The following COLGALT1 variants were observed in gnomAD, a reference collection of about 807,000 sequenced individuals.
The protein encoded by COLGALT1 is collagen beta(1-O)galactosyltransferase 1.
In COLGALT1, 43 loss-of-function variants were observed where a neutral mutation model predicts 60.8. The ratio of observed to expected loss-of-function variants is 0.71; its 90% CI spans 0.55 to 0.91. COLGALT1 has a LOEUF of 0.91. Ranked by LOEUF, COLGALT1 falls within the 40% of genes least tolerant of loss-of-function variation. The pLI is 0.00. For missense variants in COLGALT1, 845 were observed against 880.0 expected (o/e 0.96, Z 0.50); for synonymous variants, 369 against 374.2 (o/e 0.99, Z 0.16).
chr19:17,561,648 A>C (rs1322432333), intron 3 of COLGALT1, among the ~76,000 whole-genome samples: 2 of 151,534 alleles, frequency 1.3e-5, no homozygotes, highest in African/African-American at 2.4e-5. Context: ...AAAAAAAAAA[A>C]AAAAAAAACA....
chr19:17,563,646 G>T (rs1204355176), intron 3 of COLGALT1, among the ~76,000 whole-genome samples: 1 of 151,966 alleles, frequency 6.6e-6, no homozygotes, highest in African/African-American at 2.4e-5. Flanking sequence ...AGCGCGCCTG[G>T]CCCGACTAAT....
chr19:17,572,739 G>A lies in COLGALT1; in HGVS notation c.949+137G>A, dbSNP rs182069506. 41 of 1,263,238 alleles carry A rather than the reference G, an allele frequency of 3.2e-5. No individual in the cohort carries two copies. The Admixed American group carries it at 3.6e-4, about 11-fold the overall frequency. 78.3% of individuals were successfully genotyped at this position (1,263,238 alleles called of 1,614,324 possible). ...TGGGGGGTGCTGGGTGCAACGGCAC[G>A]TGTGAACGAGGTGGAGGGTTGTGTC... On this transcript the variant is annotated intron_variant, in intron 6 of 11. Transcript: ENST00000252599.
intron 5 of COLGALT1, among the ~76,000 whole-genome samples, chr19:17,570,723 G>T (rs1196637384): frequency 6.6e-6 from 1 of 151,798 alleles, no homozygotes; most frequent in South Asian, 2.1e-4. Flanking sequence ...GCACCACCAC[G>T]CCTGGCTAAT....
At chr19:17,580,975 G>A (rs2144852145) in intron 11 of COLGALT1, 70 bp downstream of exon 11, 3 of 1,561,072 alleles carry the variant, frequency 1.9e-6, no homozygotes, top group Middle Eastern at 3.5e-4. Flanking sequence ...GGGGATGTGA[G>A]ACTCACGGCC....
intron 9 of COLGALT1, 122 bp downstream of exon 9, chr19:17,578,211 G>T: frequency 8.8e-7 from 1 of 1,130,028 alleles, no homozygotes; most frequent in South Asian, 2.1e-5. Context: ...TCAGCCATGG[G>T]ACCCATGGCC....
rs745638027 is a variant in COLGALT1 at position 17,581,440 on chromosome 19, T to C, written c.1865T>C (p.Leu622Pro). 8 of 1,605,210 alleles carry C rather than the reference T, an allele frequency of 5.0e-6. No individual in the cohort carries two copies. In the Admixed American group the frequency reaches 1.0e-4, roughly 20 times the overall value. Residue 622 changes from leucine to proline, a missense_variant, in exon 12 of 12, where the codon CTC becomes CCC. By Grantham distance (98) the Leu-to-Pro change is moderately conservative (BLOSUM62 -3). Transcript: ENST00000252599. ...SPLDSAARDE[L>P] is the part of the protein sequence containing the mutation. ...CTGGACAGTGCTGCCCGGGATGAAC[T>C]CTGAGGGGTAGCAGCCAGAAAGCCA...
chr19:17,574,473 G>A (rs2076329952), intron 6 of COLGALT1, among the ~76,000 whole-genome samples: 1 of 152,012 alleles, frequency 6.6e-6, no homozygotes, highest in East Asian at 1.9e-4. Context: ...TGGGATTACA[G>A]GTACCTGCCA....
In COLGALT1 at chr19:17,569,080, T is replaced by G. The variant is rs2076296900; in HGVS notation, c.829+367T>G. Reference sequence around the variant, plus strand: ...CCCATCTCTACTAAAAATACAAAAATTAGCCGGACGTGGTGGTGCTACTGG... The same window carrying G: ...CCCATCTCTACTAAAAATACAAAAAGTAGCCGGACGTGGTGGTGCTACTGG... On this transcript the variant is annotated intron_variant, in intron 5 of 11. Transcript: ENST00000252599. Among the ~76,000 whole-genome samples the G allele has an allele frequency of 2.6e-5, 4 of 152,036 alleles. No homozygotes were observed. The South Asian group carries it at 8.3e-4, about 32-fold the overall frequency.
chr19:17,559,407 A>G lies in COLGALT1; in HGVS notation c.357A>G (p.Pro119=), dbSNP rs1348592236. Residue 119 remains proline (P), a synonymous_variant, in exon 2 of 12, where the codon CCA becomes CCG. Coordinates refer to ENST00000252599, the MANE Select transcript of COLGALT1 (RefSeq NM_024656.4). ...KSLYHSVEWR[P]AEEPRSYPDE... is the part of the protein sequence containing the mutation. ...TGTACCATTCCGTGGAGTGGCGGCC[A>G]GCAGAGGAGCCCAGGTGAGCATCTT... is the stretch of plus-strand genomic sequence containing the variant. 1 of 1,551,596 alleles carries G rather than the reference A, an allele frequency of 6.4e-7. No individual in the cohort carries two copies. The highest frequency in any genetic ancestry group is 8.7e-7 in the Non-Finnish European group (1 of 1,146,954).
At chr19:17,556,812 C>G (rs1035614037) in intron 1 of COLGALT1, 1 of 152,290 alleles carries the variant, frequency 6.6e-6, no homozygotes, top group Non-Finnish European at 1.5e-5. Flanking sequence ...ATTCAGGAGG[C>G]TGACGCAGGA....
chr19:17,569,996 G>A (rs1028957599), intron 5 of COLGALT1, among the ~76,000 whole-genome samples: 13 of 142,542 alleles, frequency 9.1e-5, no homozygotes, highest in Admixed American at 6.0e-4. Context: ...CTGGGTTCAC[G>A]CCATTCTCCT....
At chr19:17,563,224 T>C (rs925233603) in intron 3 of COLGALT1, among the ~76,000 whole-genome samples, 1 of 137,526 alleles carries the variant, frequency 7.3e-6, no homozygotes, top group Non-Finnish European at 1.5e-5. Context: ...AGTGTCTCAC[T>C]CTGTCGCCCA....
rs149409480 is a variant in COLGALT1 at position 17,574,757 on chromosome 19, G to T, written c.949+2155G>T. Among the ~76,000 whole-genome samples the T allele has an allele frequency of 2.0e-5, 3 of 152,142 alleles. No individual in the cohort carries two copies. The East Asian group carries it at 5.8e-4, about 29-fold the overall frequency. On this transcript the variant is annotated intron_variant, in intron 6 of 11. Coordinates refer to ENST00000252599, the MANE Select transcript of COLGALT1 (RefSeq NM_024656.4). ...GTCCCACCCGGCTACAGTTGGGGGT[G>T]GTGGGTCTCCATTTATCACCAACTC...
chr19:17,572,341 GCT>G lies in COLGALT1; in HGVS notation c.830-139_830-138del. The G allele has an allele frequency of 5.1e-6, 6 of 1,172,216 alleles. 1 individual carries two copies. Among genetic ancestry groups the G allele is most frequent in the Middle Eastern group, 4.4e-4 (2 of 4,548 alleles). The allele number at this position is 1,172,216 out of a possible 1,614,324, so 72.6% of individuals were successfully genotyped here. A position where few individuals can be genotyped will look rare whatever the true frequency, so the allele number is the denominator to read the frequency against. ...AAGTTGTTTGTAGATATAAGGTCTT[GCT>G]CTGTTGCCCAGGCTGGTCTCAGACA... is the stretch of plus-strand genomic sequence containing the variant. On this transcript the variant is annotated intron_variant, in intron 5 of 11. Transcript: ENST00000252599.
In COLGALT1 at chr19:17,568,589, C is replaced by T. The variant is rs746627974; in HGVS notation, c.705C>T (p.His235=). The T allele has an allele frequency of 7.4e-6, 12 of 1,614,240 alleles. 1 individual carries two copies. The South Asian group carries it at 1.2e-4, about 16-fold the overall frequency. The change falls in exon 5 of 12, where the codon CAC becomes CAT. Residue 235 remains histidine, a synonymous_variant. Transcript: ENST00000252599. ...GCTGCTTTGCAGTTCCCATGGTGCA[C>T]TCGACCTTCCTGATCGACCTGCGGA... is the stretch of plus-strand genomic sequence containing the variant. ...RRGCFAVPMV[H]STFLIDLRKA...
At chr19:17,570,088 T>C (rs1387977731) in intron 5 of COLGALT1, among the ~76,000 whole-genome samples, 2 of 151,684 alleles carry the variant, frequency 1.3e-5, no homozygotes, top group East Asian at 3.9e-4. Context: ...AGAGACGGGG[T>C]TTCACTGTGT....
intron 4 of COLGALT1, 77 bp downstream of exon 4, chr19:17,567,617 C>A: frequency 1.3e-6 from 2 of 1,503,486 alleles, no homozygotes; most frequent in East Asian, 2.4e-5. Context: ...CTTACTGTCA[C>A]ACAACCTCGT....
At position 17,581,767 on chromosome 19, in the gene COLGALT1, C is replaced by T. The variant is rs770180726; in HGVS notation, c.*323C>T. 2 of 380,844 alleles carry T rather than the reference C, an allele frequency of 5.3e-6. No homozygotes were observed. The highest frequency in any genetic ancestry group is 9.7e-6 in the Non-Finnish European group (2 of 206,954). 23.6% of individuals were successfully genotyped at this position (380,844 alleles called of 1,614,324 possible). A position where few individuals can be genotyped will look rare whatever the true frequency, so the allele number is the denominator to read the frequency against. On this transcript the variant is annotated 3_prime_UTR_variant, in exon 12 of 12. Coordinates refer to ENST00000252599, the MANE Select transcript of COLGALT1 (RefSeq NM_024656.4). Reference sequence around the variant, plus strand: ...GCAGTGAATGAGGCATAATTGTTCCCTCCATCAGCGATTGATTCAGTCATC... The same window carrying T: ...GCAGTGAATGAGGCATAATTGTTCCTTCCATCAGCGATTGATTCAGTCATC...
chr19:17,560,261 C>G (rs958397578), intron 2 of COLGALT1, 87 bp from the exon 3 acceptor site: 4 of 1,008,618 alleles, frequency 4.0e-6, no homozygotes, highest in African/African-American at 3.2e-5. Context: ...CCAGGAAGCT[C>G]TCTCTGAGTA....
Sources: allele counts gnomAD v4.1 joint callset (sites outside exome capture counted in the v4.1 genomes callset), GRCh38; gene constraint gnomAD v4.1.1; transcripts MANE v1.5; gene names NCBI Gene and HGNC (gene_info 2026-07-23, HGNC 2026-07-21).